The following ARHGAP15 variants were observed in gnomAD, a reference collection of about 807,000 sequenced individuals.
ARHGAP15 encodes the protein Rho GTPase activating protein 15, also known as rho GTPase-activating protein 15.
In ARHGAP15, 51 loss-of-function variants were observed where a neutral mutation model predicts 63.7. The ratio of observed to expected loss-of-function variants is 0.80; its 90% CI spans 0.64 to 1.01. The LOEUF is 1.01. ARHGAP15 is among the 50% of genes least tolerant of loss of function. The pLI, the probability that ARHGAP15 is intolerant of heterozygous loss-of-function variation, is 0.00. For synonymous variants in ARHGAP15, 191 were observed against 193.8 expected (o/e 0.99, Z 0.12); for missense variants, 560 against 564.6 (o/e 0.99, Z 0.08).
chr2:143,710,861 A>G (rs2105440292), intron 13 of ARHGAP15, among the ~76,000 whole-genome samples: 1 of 152,336 alleles, frequency 6.6e-6, no homozygotes, highest in Non-Finnish European at 1.5e-5. Context: ...AAAGTCTGTA[A>G]CCGTCCCTTT....
At chr2:143,574,426 C>T (rs1261270100) in intron 11 of ARHGAP15, among the ~76,000 whole-genome samples, 1 of 151,870 alleles carries the variant, frequency 6.6e-6, no homozygotes, top group African/African-American at 2.4e-5. Flanking sequence ...TCTCAAGGAG[C>T]CACAGTCTTT....
intron 13 of ARHGAP15, among the ~76,000 whole-genome samples, chr2:143,744,572 T>C (rs1686087827): frequency 1.3e-5 from 2 of 152,204 alleles, no homozygotes; most frequent in Non-Finnish European, 2.9e-5. Flanking sequence ...GATAAGGCAC[T>C]GCAAAGAGGC....
chr2:143,142,728 C>A (rs185942532), intron 1 of ARHGAP15, among the ~76,000 whole-genome samples: 40 of 152,198 alleles, frequency 2.6e-4, no homozygotes, highest in Non-Finnish European at 2.9e-4. Flanking sequence ...CATGCTCACA[C>A]ACACACAAAA....
chr2:143,664,829 A>C (rs1478121880), intron 12 of ARHGAP15, among the ~76,000 whole-genome samples: 1 of 152,256 alleles, frequency 6.6e-6, no homozygotes, highest in Non-Finnish European at 1.5e-5. Flanking sequence ...GAAATGGATA[A>C]ATTCCTCGAC....
At chr2:143,169,332 C>A (rs1415620598) in intron 2 of ARHGAP15, among the ~76,000 whole-genome samples, 1 of 151,960 alleles carries the variant, frequency 6.6e-6, no homozygotes, top group African/African-American at 2.4e-5. Context: ...GCCAGGCCCC[C>A]TTCATGGGGT....
At position 143,617,045 on chromosome 2, in the gene ARHGAP15, G is replaced by A. The variant is rs145678018; in HGVS notation, c.1004-7088G>A. Among the ~76,000 whole-genome samples, 108 of 152,256 alleles carry A rather than the reference G, an allele frequency of 7.1e-4. 1 individual carries two copies. The highest frequency in any genetic ancestry group is 2.5e-3 in the African/African-American group (105 of 41,558). Reference sequence around the variant, plus strand: ...CAATCATGATTTTATTCTTTCTCTGGAGACCACACTGGAGAGTATTCTGCA... The same window carrying A: ...CAATCATGATTTTATTCTTTCTCTGAAGACCACACTGGAGAGTATTCTGCA... On this transcript the variant is annotated intron_variant, in intron 11 of 13. Coordinates refer to ENST00000295095, the MANE Select transcript of ARHGAP15 (RefSeq NM_018460.4).
At chr2:143,611,338 A>AAAAT (rs1159467532) in intron 11 of ARHGAP15, among the ~76,000 whole-genome samples, 2 of 152,158 alleles carry the variant, frequency 1.3e-5, no homozygotes, top group Admixed American at 1.3e-4. Flanking sequence ...GTGGTTTTGC[A>AAAAT]AAATAATTTG....
intron 8 of ARHGAP15, among the ~76,000 whole-genome samples, chr2:143,466,061 TTTTTA>T (rs1192174277): frequency 6.6e-6 from 1 of 152,132 alleles, no homozygotes; most frequent in Non-Finnish European, 1.5e-5. Context: ...AAATTTTTTT[TTTTTA>T]TTTTCTTTGT....
intron 13 of ARHGAP15, among the ~76,000 whole-genome samples, chr2:143,733,408 C>G (rs1047882698): frequency 1.3e-5 from 2 of 152,090 alleles, no homozygotes; most frequent in African/African-American, 2.4e-5. Context: ...AGCATTTGTA[C>G]TTCATCTGAG....
intron 11 of ARHGAP15, among the ~76,000 whole-genome samples, chr2:143,567,757 G>T (rs551673515): frequency 2.6e-5 from 4 of 152,118 alleles, no homozygotes; most frequent in Non-Finnish European, 5.9e-5. Flanking sequence ...GAGGTGATTT[G>T]TTGCCAAGTC....
intron 6 of ARHGAP15, among the ~76,000 whole-genome samples, chr2:143,262,559 T>A (rs1012520785): frequency 3.8e-5 from 5 of 132,530 alleles, no homozygotes; most frequent in African/African-American, 1.4e-4. Flanking sequence ...TTTTTTTTTT[T>A]ACTTTGTCAC....
intron 2 of ARHGAP15, among the ~76,000 whole-genome samples, chr2:143,185,608 C>A (rs148779792): frequency 5.6e-4 from 85 of 152,246 alleles, no homozygotes; most frequent in African/African-American, 2.0e-3. Context: ...TAATAGAGAT[C>A]CTCATTCCCG....
chr2:143,330,118 A>AAAAC (rs1684463212), intron 6 of ARHGAP15, among the ~76,000 whole-genome samples: 5 of 60,626 alleles, frequency 8.2e-5, no homozygotes, highest in Admixed American at 3.7e-4. Context: ...AAAAAAAAAA[A>AAAAC]AAAAAAAAAA....
intron 11 of ARHGAP15, among the ~76,000 whole-genome samples, chr2:143,559,217 C>A (rs1280564380): frequency 6.6e-6 from 1 of 152,124 alleles, no homozygotes; most frequent in African/African-American, 2.4e-5. Context: ...ACACTAGTTG[C>A]ATTTCCTGCC....
intron 1 of ARHGAP15, among the ~76,000 whole-genome samples, chr2:143,131,753 A>G (rs1426709928): frequency 2.6e-5 from 4 of 152,210 alleles, no homozygotes; most frequent in African/African-American, 9.7e-5. Context: ...GAATTTTAAT[A>G]TGTTTCCTCA....
intron 12 of ARHGAP15, among the ~76,000 whole-genome samples, chr2:143,656,816 C>T (rs146101319): frequency 1.3e-5 from 2 of 152,100 alleles, no homozygotes; most frequent in African/African-American, 4.8e-5. Flanking sequence ...AGAAAGAGTA[C>T]TCCTCCTCTT....
chr2:143,509,150 A>G (rs992717924), intron 9 of ARHGAP15, among the ~76,000 whole-genome samples: 3 of 152,202 alleles, frequency 2.0e-5, no homozygotes, highest in African/African-American at 7.2e-5. Flanking sequence ...TCCGTAGCAG[A>G]TATTGTCATT....
intron 6 of ARHGAP15, among the ~76,000 whole-genome samples, chr2:143,414,492 A>C (rs575456531): frequency 1.3e-5 from 2 of 152,292 alleles, no homozygotes; most frequent in Non-Finnish European, 2.9e-5. Context: ...TTAACTCAAG[A>C]AATTGAAATT....
intron 6 of ARHGAP15, among the ~76,000 whole-genome samples, chr2:143,432,415 A>T (rs1301424326): frequency 6.6e-6 from 1 of 152,108 alleles, no homozygotes; most frequent in East Asian, 1.9e-4. Context: ...CTCTTTTAAG[A>T]TGTTTTAAAT....
Sources: allele counts gnomAD v4.1 joint callset (sites outside exome capture counted in the v4.1 genomes callset), GRCh38; gene constraint gnomAD v4.1.1; transcripts MANE v1.5; gene names NCBI Gene and HGNC (gene_info 2026-07-23, HGNC 2026-07-21).